The following KIAA0825 variants were observed in gnomAD, a reference collection of about 807,000 sequenced individuals.
KIAA0825 encodes the protein uncharacterized protein KIAA0825.
KIAA0825 carries 119 observed loss-of-function variants against 147.6 expected under a neutral mutation model. The observed-to-expected ratio is 0.81, with a 90% CI of 0.69 to 0.94. The LOEUF is 0.94. Among genes scored for constraint, KIAA0825 ranks in the 40% least tolerant of loss-of-function variants. The pLI is 0.00. For missense variants in KIAA0825, 1,381 were observed against 1,472.7 expected (o/e 0.94, Z 1.02); for synonymous variants, 470 against 518.1 (o/e 0.91, Z 1.26).
rs181474077 is a variant in KIAA0825, at chr5:94,372,686, G to A, written c.3710+11682C>T. On this transcript the variant is annotated intron_variant, in intron 20 of 20. Coordinates refer to ENST00000682413, the MANE Select transcript of KIAA0825 (RefSeq NM_001145678.3). ...TGGGTCTCCAGGCCTGTAATGGGAC[G>A]GGCTGCCGTGAAGGTCTCTGACATG... Among the ~76,000 whole-genome samples the A allele has an allele frequency of 2.6e-3, 399 of 152,302 alleles. 1 individual carries two copies. Among genetic ancestry groups the A allele is most frequent in the Admixed American group, 4.1e-3 (63 of 15,298 alleles).
rs140142715 is a variant in KIAA0825 at position 94,361,294 on chromosome 5, G to A, written c.3710+23074C>T. 1.1e-3 allele frequency among the ~76,000 whole-genome samples: 168 copies of A among 152,154 alleles called. 2 individuals carry two copies. The highest frequency in any genetic ancestry group is 3.9e-3 in the African/African-American group (162 of 41,504). On this transcript the variant is annotated intron_variant, in intron 20 of 20. Coordinates refer to ENST00000682413, the MANE Select transcript of KIAA0825 (RefSeq NM_001145678.3). ...TTTTTGAGGGCAGGGCTCCCATTTC[G>A]TGCAGTCCTAGATGCCATCTCTCAT...
intron 18 of KIAA0825, among the ~76,000 whole-genome samples, chr5:94,389,904 C>T (rs1749673917): frequency 6.6e-6 from 1 of 152,162 alleles, no homozygotes; most frequent in Non-Finnish European, 1.5e-5. Flanking sequence ...TCATTCAGCC[C>T]AGTAAACCAC....
intron 15 of KIAA0825, among the ~76,000 whole-genome samples, chr5:94,406,633 G>A (rs376205090): frequency 3.3e-5 from 5 of 152,274 alleles, no homozygotes; most frequent in African/African-American, 1.2e-4. Flanking sequence ...ATTAACCACA[G>A]GCTTGCAACA....
At chr5:94,200,981 A>ATATG (rs1333122489) in intron 20 of KIAA0825, among the ~76,000 whole-genome samples, 10 of 136,408 alleles carry the variant, frequency 7.3e-5, no homozygotes, top group East Asian at 4.2e-4. Context: ...ATATATATAT[A>ATATG]TATGTATATC....
intron 20 of KIAA0825, among the ~76,000 whole-genome samples, chr5:94,334,028 A>G (rs1173120591): frequency 6.6e-6 from 1 of 152,138 alleles, no homozygotes; most frequent in Non-Finnish European, 1.5e-5. Flanking sequence ...CCTACTGCCC[A>G]AAGTAATTTA....
intron 20 of KIAA0825, among the ~76,000 whole-genome samples, chr5:94,170,027 A>C (rs1392331841): frequency 3.3e-5 from 5 of 152,142 alleles, no homozygotes; most frequent in African/African-American, 9.7e-5. Context: ...TCTCTCTCTA[A>C]GTCTCTATGT....
chr5:94,612,456 C>A (rs1307336014), intron 1 of KIAA0825, among the ~76,000 whole-genome samples: 1 of 151,982 alleles, frequency 6.6e-6, no homozygotes, highest in Admixed American at 6.6e-5. Flanking sequence ...TTTCTTCCTT[C>A]CTTCTCTTCT....
At chr5:94,167,151 T>G (rs1476745787) in intron 20 of KIAA0825, among the ~76,000 whole-genome samples, 1 of 152,120 alleles carries the variant, frequency 6.6e-6, no homozygotes, top group Non-Finnish European at 1.5e-5. Flanking sequence ...AGACCTACCC[T>G]CTTTCTGATA....
intron 20 of KIAA0825, among the ~76,000 whole-genome samples, chr5:94,231,294 G>A (rs1774679030): frequency 6.6e-6 from 1 of 152,064 alleles, no homozygotes; most frequent in African/African-American, 2.4e-5. Context: ...GTAAATATCA[G>A]AATAAGTTTA....
intron 20 of KIAA0825, among the ~76,000 whole-genome samples, chr5:94,242,403 C>G (rs1775391381): frequency 6.6e-6 from 1 of 152,158 alleles, no homozygotes; most frequent in Admixed American, 6.5e-5. Flanking sequence ...TTCAACAATT[C>G]TTTGAGCACC....
At chr5:94,196,469 T>C (rs1323915994) in intron 20 of KIAA0825, among the ~76,000 whole-genome samples, 1 of 152,190 alleles carries the variant, frequency 6.6e-6, no homozygotes, top group African/African-American at 2.4e-5. Context: ...TTTTTTTTTT[T>C]TTAACTTTAT....
chr5:94,394,342 A>G (rs569934469), intron 17 of KIAA0825, among the ~76,000 whole-genome samples: 1 of 152,312 alleles, frequency 6.6e-6, no homozygotes, highest in Non-Finnish European at 1.5e-5. Flanking sequence ...TGCTAATTAT[A>G]TAATTACTCA....
At chr5:94,221,318 T>C (rs754516096) in intron 20 of KIAA0825, among the ~76,000 whole-genome samples, 3 of 152,144 alleles carry the variant, frequency 2.0e-5, no homozygotes, top group Non-Finnish European at 2.9e-5. Flanking sequence ...CACAAAACTT[T>C]ATAGACTCGA....
At chr5:94,160,632 C>T (rs1767479009) in intron 20 of KIAA0825, among the ~76,000 whole-genome samples, 1 of 146,282 alleles carries the variant, frequency 6.8e-6, no homozygotes, top group African/African-American at 2.5e-5. Context: ...TAAATATATA[C>T]TGTATGTGTG....
At position 94,553,525 on chromosome 5, in the gene KIAA0825, G is replaced by A. The variant is rs565950842; in HGVS notation, c.-1-16398C>T. 9.6e-4 allele frequency among the ~76,000 whole-genome samples: 145 copies of A among 151,828 alleles called. 1 individual carries two copies. The highest frequency in any genetic ancestry group is 8.3e-3 in the South Asian group (40 of 4,808). ...ATGCCTGTAATCCCCAGCAATTTGGGAGGCCAAGGCGGGTCGATCACCTGA... is the reference window on the plus strand; with the variant it reads ...ATGCCTGTAATCCCCAGCAATTTGGAAGGCCAAGGCGGGTCGATCACCTGA... On this transcript the variant is annotated intron_variant, in intron 2 of 20. Transcript: ENST00000682413.
chr5:94,164,418 T>TA (rs1411730376), intron 20 of KIAA0825, among the ~76,000 whole-genome samples: 2 of 150,970 alleles, frequency 1.3e-5, no homozygotes, highest in African/African-American at 4.9e-5. Context: ...TGAACTTATT[T>TA]TTTTTTTTTT....
intron 1 of KIAA0825, among the ~76,000 whole-genome samples, chr5:94,595,404 C>A (rs1238798012): frequency 6.6e-6 from 1 of 152,196 alleles, no homozygotes; most frequent in Non-Finnish European, 1.5e-5. Context: ...CTGAGCTGTA[C>A]GTTGCTCCCT....
chr5:94,282,009 G>T (rs987422498), intron 20 of KIAA0825, among the ~76,000 whole-genome samples: 1 of 151,978 alleles, frequency 6.6e-6, no homozygotes, highest in Non-Finnish European at 1.5e-5. Context: ...TCTTCCTTCT[G>T]TCATCTCAGC....
chr5:94,309,588 C>A (rs140226276), intron 20 of KIAA0825, among the ~76,000 whole-genome samples: 3 of 151,660 alleles, frequency 2.0e-5, no homozygotes, highest in African/African-American at 7.3e-5. Flanking sequence ...AAAGCCTCTA[C>A]GGAGGCACTC....
Sources: gnomAD v4.1 joint callset for allele counts (sites outside exome capture counted in the v4.1 genomes callset) on GRCh38, gnomAD v4.1.1 for gene constraint, MANE v1.5 for transcripts, NCBI Gene and HGNC (gene_info 2026-07-23, HGNC 2026-07-21) for gene names.